Variants in EDA observed in about 807,000 individuals in gnomAD.
The protein encoded by EDA is ectodysplasin A, also known as ectodysplasin-A.
EDA carries 2 observed loss-of-function variants against 23.6 expected under a neutral mutation model. That is an observed-to-expected ratio of 0.08 (90% CI 0.03 to 0.27). The LOEUF (loss-of-function observed/expected upper bound fraction) is 0.27, where lower values mean the gene tolerates loss of function less well. EDA is among the 10% of genes least tolerant of loss of function. The pLI, the probability that EDA is intolerant of heterozygous loss-of-function variation, is 1.00. For missense variants in EDA, 229 were observed against 324.2 expected, an observed-to-expected ratio of 0.71 and a Z score of 2.26; for synonymous variants, 131 against 132.0, an observed-to-expected ratio of 0.99 and a Z score of 0.05.
At chrX:69,990,490 G>A (rs2019572337) in intron 2 of EDA, among the ~76,000 whole-genome samples, 1 of 105,814 alleles carries the variant, frequency 9.5e-6, no homozygotes, top group Non-Finnish European at 1.9e-5. Flanking sequence ...TGCCAGGGGG[G>A]ATGAAAGTGT....
intron 2 of EDA, among the ~76,000 whole-genome samples, chrX:69,960,743 G>A (rs1307306072): frequency 9.1e-6 from 1 of 110,127 alleles, no homozygotes; most frequent in African/African-American, 3.3e-5. Flanking sequence ...CTAAGCTCAG[G>A]TTTGCCTCAC....
intron 1 of EDA, among the ~76,000 whole-genome samples, chrX:69,831,731 A>G (rs2016614455): frequency 8.9e-6 from 1 of 112,211 alleles, no homozygotes; most frequent in Non-Finnish European, 1.9e-5. Context: ...AATGATTGCC[A>G]TTCTAACTTG....
chrX:70,033,654 TG>T, intron 7 of EDA, 126 bp downstream of exon 7: 2 of 605,139 alleles, frequency 3.3e-6, no homozygotes, highest in Non-Finnish European at 2.4e-6. Flanking sequence ...GGTGAGGGGG[TG>T]GGGGGACCGC....
intron 1 of EDA, among the ~76,000 whole-genome samples, chrX:69,739,492 A>G (rs2013378852): frequency 9.0e-6 from 1 of 110,856 alleles, no homozygotes; most frequent in Admixed American, 9.6e-5. Context: ...TTTATTATTG[A>G]TGTAGTTGGA....
chrX:70,024,895 T>C (rs958734686), intron 3 of EDA, among the ~76,000 whole-genome samples: 2 of 112,376 alleles, frequency 1.8e-5, no homozygotes, highest in African/African-American at 6.5e-5. Context: ...ACATAGGGTA[T>C]GTTTCTAAGT....
At chrX:69,870,029 C>G (rs1449823285) in intron 1 of EDA, among the ~76,000 whole-genome samples, 1 of 111,892 alleles carries the variant, frequency 8.9e-6, no homozygotes, top group Non-Finnish European at 1.9e-5. Flanking sequence ...AACTAATCCA[C>G]TCCACCATCC....
At position 69,940,088 on chromosome X, in the gene EDA, A is replaced by G. The variant is rs191898522; in HGVS notation, c.397-16939A>G. Among the ~76,000 whole-genome samples, 274 of 111,180 alleles carry G rather than the reference A, an allele frequency of 2.5e-3. 2 individuals carry two copies. Among genetic ancestry groups the G allele is most frequent in the African/African-American group, 8.5e-3 (262 of 30,702 alleles). ...TTTTGTCTGGTTTTGGTATCAGGGT[A>G]ATACTGGCCTTATAGAATGAGTGTG... On this transcript the variant is annotated intron_variant, in intron 1 of 7. Transcript: ENST00000374552.
At chrX:69,632,955 TG>T (rs1465723576) in intron 1 of EDA, among the ~76,000 whole-genome samples, 1 of 111,514 alleles carries the variant, frequency 9.0e-6, no homozygotes, top group Non-Finnish European at 1.9e-5. Flanking sequence ...ATCTCATCTT[TG>T]GGGGGGACCT....
intron 1 of EDA, among the ~76,000 whole-genome samples, chrX:69,876,603 C>A (rs2017650233): frequency 9.0e-6 from 1 of 111,458 alleles, no homozygotes; most frequent in African/African-American, 3.3e-5. Flanking sequence ...AACCCTTACC[C>A]CTGCCCTCAG....
chrX:69,719,715 TAC>T (rs35200750), intron 1 of EDA, among the ~76,000 whole-genome samples: 2,228 of 102,523 alleles, frequency 0.022, 24 homozygotes, highest in African/African-American at 0.038. Flanking sequence ...TATTCCGTTA[TAC>T]ACACACACAC....
intron 1 of EDA, among the ~76,000 whole-genome samples, chrX:69,775,558 G>A (rs1602392295): frequency 9.0e-6 from 1 of 111,233 alleles, no homozygotes; most frequent in South Asian, 3.8e-4. Context: ...TTCCTTTTAA[G>A]CTTATACAGT....
chrX:69,938,678 G>T (rs1448320752), intron 1 of EDA, among the ~76,000 whole-genome samples: 2 of 111,761 alleles, frequency 1.8e-5, no homozygotes, highest in Middle Eastern at 4.6e-3. Context: ...TTTTTGCCCA[G>T]TCCAATTTCC....
intron 1 of EDA, among the ~76,000 whole-genome samples, chrX:69,641,545 A>G (rs959103959): frequency 8.0e-5 from 9 of 112,186 alleles, no homozygotes; most frequent in Non-Finnish European, 1.3e-4. Flanking sequence ...GTATTAGACT[A>G]GTATATTTCA....
chrX:69,960,774 T>C (rs146203843), intron 2 of EDA, among the ~76,000 whole-genome samples: 1,203 of 109,966 alleles, frequency 0.011, 8 homozygotes, highest in African/African-American at 0.036. Context: ...GAACAAGTCA[T>C]TTACCTTGAA....
chrX:69,807,256 T>C (rs1430705587), intron 1 of EDA, among the ~76,000 whole-genome samples: 1 of 108,148 alleles, frequency 9.2e-6, no homozygotes, highest in Non-Finnish European at 1.9e-5. Flanking sequence ...ATGTAACATG[T>C]ATTTTTTGGA....
At chrX:69,750,066 G>C (rs971385721) in intron 1 of EDA, among the ~76,000 whole-genome samples, 2 of 105,106 alleles carry the variant, frequency 1.9e-5, no homozygotes, top group Non-Finnish European at 3.9e-5. Context: ...TGTGTACAAC[G>C]TGCAGGTTTG....
chrX:69,992,123 A>G (rs949328744), intron 2 of EDA, among the ~76,000 whole-genome samples: 2 of 111,424 alleles, frequency 1.8e-5, no homozygotes, highest in East Asian at 2.8e-4. Flanking sequence ...ATTTTTGTCT[A>G]TGCATGTTGG....
At chrX:69,830,275 G>T (rs2016574618) in intron 1 of EDA, among the ~76,000 whole-genome samples, 1 of 111,755 alleles carries the variant, frequency 8.9e-6, no homozygotes, top group Admixed American at 9.6e-5. Flanking sequence ...ATGACTCCTT[G>T]TTCTTCCCAA....
At chrX:69,952,997 CT>C (rs1246521465) in intron 1 of EDA, among the ~76,000 whole-genome samples, 1 of 111,439 alleles carries the variant, frequency 9.0e-6, no homozygotes, top group Non-Finnish European at 1.9e-5. Context: ...TAGCATTGTG[CT>C]GAATAGCCTA....
Sources: allele counts gnomAD v4.1 joint callset (sites outside exome capture counted in the v4.1 genomes callset), GRCh38; gene constraint gnomAD v4.1.1; transcripts MANE v1.5; gene names NCBI Gene and HGNC (gene_info 2026-07-23, HGNC 2026-07-21).